Variants in G3BP1 observed in about 807,000 individuals in gnomAD.
G3BP1 encodes ras GTPase-activating protein-binding protein 1.
G3BP1 carries 35 observed loss-of-function variants against 58.6 expected under a neutral mutation model. The observed-to-expected ratio is 0.60, with a 90% confidence interval of 0.46 to 0.79. The LOEUF (loss-of-function observed/expected upper bound fraction) is 0.79. Ranked by LOEUF, G3BP1 falls within the 30% of genes least tolerant of loss-of-function variation. The probability of loss-of-function intolerance (pLI) is 0.00; values close to 1 mark genes in which losing one functional copy is unlikely to be tolerated. For synonymous variants in G3BP1, 191 were observed against 195.4 expected (o/e 0.98, Z 0.19); for missense variants, 523 against 580.8 (o/e 0.90, Z 1.02).
chr5:151,812,456 C>T lies in G3BP1; in HGVS notation c.*8365C>T, dbSNP rs973394591. ...GGGATTTGCTCTTCTGCCTAAACAT[C>T]GAACTAGGGAACTTTAAAGACAAAG... On this transcript the variant is annotated 3_prime_UTR_variant, in exon 12 of 12. Coordinates refer to ENST00000356245, the MANE Select transcript of G3BP1 (RefSeq NM_005754.3). 2 of 152,172 alleles carry T rather than the reference C, an allele frequency of 1.3e-5. No individual in the cohort carries two copies. Among genetic ancestry groups the T allele is most frequent in the Admixed American group, 6.5e-5 (1 of 15,274 alleles). The allele number at this position is 152,172 out of a possible 1,614,324, so 9.4% of individuals were successfully genotyped here.
Position 151,800,268 on chromosome 5 carries a change from C to A in G3BP1, c.1006C>A (p.His336Asn). ...GDIEPRRMVR[H>N]PDSHQLFIGN... ...CATTGAACCCCGAAGAATGGTGAGA[C>A]ACCCTGACAGTCACCAACTCTTCAT... Residue 336 changes from histidine to asparagine, a missense_variant, in exon 10 of 12, where the codon CAC (histidine) becomes AAC (asparagine). By Grantham distance (68) the His-to-Asn change is moderately conservative (BLOSUM62 1). Coordinates refer to ENST00000356245, the MANE Select transcript of G3BP1 (RefSeq NM_005754.3). 1 of 1,611,730 alleles carries A rather than the reference C, an allele frequency of 6.2e-7. No homozygotes were observed. Among genetic ancestry groups the A allele is most frequent in the Non-Finnish European group, 8.5e-7 (1 of 1,178,204 alleles).
chr5:151,807,858 A>G lies in G3BP1; in HGVS notation c.*3767A>G, dbSNP rs1456634035. The stretch of plus-strand genomic sequence containing the variant: ...TTATGCTGAGTGACATTTCTTTTAA[A>G]TGGTTGCATTTGTCAAATCTATAAA... On this transcript the variant is annotated 3_prime_UTR_variant, in exon 12 of 12. Transcript: ENST00000356245. 6.6e-6 allele frequency: 1 copy of G among 152,206 alleles called. No homozygotes were observed. Among genetic ancestry groups the G allele is most frequent in the Admixed American group, 6.5e-5 (1 of 15,278 alleles). The allele number at this position is 152,206 out of a possible 1,614,324, so 9.4% of individuals were successfully genotyped here.
chr5:151,790,396 G>T lies in G3BP1; in HGVS notation c.169G>T (p.Gly57Ter). ...TGGAAAGCCAGCAGATGCAGTCTACGGACAGAAAGTAAGCATTTCAAGCCT... is the reference window on the plus strand; with the variant it reads ...TGGAAAGCCAGCAGATGCAGTCTACTGACAGAAAGTAAGCATTTCAAGCCT... Reference protein sequence around the residue: ...SNGKPADAVYGQKEIHRKVMS... With the variant: ...SNGKPADAVY The change falls in exon 3 of 12, where the codon GGA (glycine) becomes TGA (stop). Residue 57 changes from glycine (G) to a stop codon, truncating the protein, a stop_gained. Transcript: ENST00000356245. LOFTEE classifies it high-confidence loss of function. 1 of 1,568,102 alleles carries T rather than the reference G, an allele frequency of 6.4e-7. No individual in the cohort carries two copies. The highest frequency in any genetic ancestry group is 8.7e-7 in the Non-Finnish European group (1 of 1,152,514).
intron 2 of G3BP1, among the ~76,000 whole-genome samples, chr5:151,788,570 ATATGTGTGTGTGTGTGTG>A (rs1468071295): frequency 4.3e-5 from 4 of 93,188 alleles, no homozygotes; most frequent in Middle Eastern, 0.012. Context: ...AGCTAAGTTT[ATATGTGTGTGTGTGTGTG>A]TGTGTGTGTG....
chr5:151,786,808 A>C, intron 2 of G3BP1, 93 bp downstream of exon 2: 1 of 811,854 alleles, frequency 1.2e-6, no homozygotes, highest in Non-Finnish European at 2.1e-6. Flanking sequence ...TATGCTTTGT[A>C]GGGTTGTTGC....
chr5:151,783,251 G>T (rs1337191757), intron 1 of G3BP1, among the ~76,000 whole-genome samples: 1 of 152,068 alleles, frequency 6.6e-6, no homozygotes, highest in Non-Finnish European at 1.5e-5. Flanking sequence ...GAGGTATTAT[G>T]TTCACATTTC....
Position 151,809,796 on chromosome 5 carries a change from T to A in G3BP1, c.*5705T>A, listed in dbSNP as rs527545132. The A allele has an allele frequency of 6.6e-6, 1 of 152,334 alleles. No individual in the cohort carries two copies. Among genetic ancestry groups the A allele is most frequent in the Admixed American group, 6.5e-5 (1 of 15,308 alleles). 9.4% of individuals were successfully genotyped at this position (152,334 alleles called of 1,614,324 possible). Reference sequence around the variant, plus strand: ...AAAAGGGAAGGTATCACTTTTTGTATGTTCACCCAGTTGCTTCTGTAGTTT... The same window carrying A: ...AAAAGGGAAGGTATCACTTTTTGTAAGTTCACCCAGTTGCTTCTGTAGTTT... On this transcript the variant is annotated 3_prime_UTR_variant, in exon 12 of 12. Transcript: ENST00000356245.
intron 6 of G3BP1, among the ~76,000 whole-genome samples, chr5:151,796,000 T>G (rs1318444866): frequency 6.6e-6 from 1 of 152,200 alleles, no homozygotes; most frequent in Non-Finnish European, 1.5e-5. Context: ...TTTCATTACG[T>G]TAGTAAGTGC....
chr5:151,774,518 T>C (rs78691488), intron 1 of G3BP1, among the ~76,000 whole-genome samples: 1 of 151,848 alleles, frequency 6.6e-6, no homozygotes, highest in Non-Finnish European at 1.5e-5. Context: ...CAATTTTATA[T>C]TTTTTTTCTT....
At chr5:151,794,135 TAA>T (rs956300736) in intron 4 of G3BP1, 22 bp from the exon 5 acceptor site, 1 of 1,430,374 alleles carries the variant, frequency 7.0e-7, no homozygotes, top group African/African-American at 1.4e-5. Context: ...TTGAATAAAT[TAA>T]AACTTTCTGT....
intron 1 of G3BP1, among the ~76,000 whole-genome samples, chr5:151,783,230 T>G (rs1030900150): frequency 2.0e-5 from 3 of 152,174 alleles, no homozygotes; most frequent in Non-Finnish European, 2.9e-5. Flanking sequence ...AGAGTGAGAA[T>G]TCTTTCTCAA....
rs540983294 is a variant in G3BP1, at chr5:151,806,789, G to A, written c.*2698G>A. 4 of 152,108 alleles carry A rather than the reference G, an allele frequency of 2.6e-5. No homozygotes were observed. In the East Asian group the frequency reaches 7.7e-4, roughly 29 times the overall value. The allele number at this position is 152,108 out of a possible 1,614,324, so 9.4% of individuals were successfully genotyped here. On this transcript the variant is annotated 3_prime_UTR_variant, in exon 12 of 12. Transcript: ENST00000356245. ...TGAGCTTAGAACTCTTGACCCATGA[G>A]ATTTTTTTTTTAAATTTTTATTTTT...
rs1239839037 is a variant in G3BP1, at chr5:151,805,824, G to A, written c.*1733G>A. On this transcript the variant is annotated 3_prime_UTR_variant, in exon 12 of 12. Transcript: ENST00000356245. ...GTAGCTTATATTAAGCATGTGGTGG[G>A]TGGAAAGAAAAGTTTAGTCTGAGTC... 2 of 152,174 alleles carry A rather than the reference G, an allele frequency of 1.3e-5. No individual in the cohort carries two copies. The highest frequency in any genetic ancestry group is 4.8e-5 in the African/African-American group (2 of 41,416). The allele number at this position is 152,174 out of a possible 1,614,324, so 9.4% of individuals were successfully genotyped here.
intron 2 of G3BP1, 37 bp from the exon 3 acceptor site, chr5:151,790,286 T>C: frequency 8.9e-7 from 1 of 1,129,582 alleles, no homozygotes; most frequent in Non-Finnish European, 1.3e-6. Flanking sequence ...CTTAAGATAC[T>C]TGAAGATGAC....
chr5:151,804,402 A>C lies in G3BP1; in HGVS notation c.*311A>C, dbSNP rs1421621156. ...CAGACTGGATTTTTTTTTTTTTTTT[A>C]CAGCCATTTCCCCAAAGGAATGTCT... On this transcript the variant is annotated 3_prime_UTR_variant, in exon 12 of 12. Transcript: ENST00000356245. 2 of 221,148 alleles carry C rather than the reference A, an allele frequency of 9.0e-6. No homozygotes were observed. The highest frequency in any genetic ancestry group is 4.9e-5 in the African/African-American group (2 of 40,502). The allele number at this position is 221,148 out of a possible 1,614,324, so 13.7% of individuals were successfully genotyped here.
chr5:151,797,484 TTTCTG>T (rs1286280169), intron 7 of G3BP1, 56 bp downstream of exon 7: 10 of 1,524,054 alleles, frequency 6.6e-6, no homozygotes, highest in Non-Finnish European at 8.9e-6. Context: ...TTAAAAAAAG[TTTCTG>T]TTCTTTTGTA....
intron 1 of G3BP1, among the ~76,000 whole-genome samples, chr5:151,776,563 A>C (rs1004580079): frequency 6.6e-6 from 1 of 152,026 alleles, no homozygotes; most frequent in Non-Finnish European, 1.5e-5. Context: ...CGGGGTTCTA[A>C]TGGTGATTTT....
intron 3 of G3BP1, 97 bp downstream of exon 3, chr5:151,790,501 C>G: frequency 1.7e-6 from 1 of 579,752 alleles, no homozygotes; most frequent in South Asian, 2.9e-5. Context: ...GATAAAGATC[C>G]AGTTTCTCAA....
In G3BP1 at chr5:151,804,201, T is replaced by G; in HGVS notation, c.*110T>G. On this transcript the variant is annotated 3_prime_UTR_variant, in exon 12 of 12. Coordinates refer to ENST00000356245, the MANE Select transcript of G3BP1 (RefSeq NM_005754.3). ...TGACCCCAGTCTGTTATAAACTGCT[T>G]AAGTTTGTATAATTTTACTTTTTTT... 1 of 676,650 alleles carries G rather than the reference T, an allele frequency of 1.5e-6. No homozygotes were observed. The highest frequency in any genetic ancestry group is 2.4e-6 in the Non-Finnish European group (1 of 411,750). 41.9% of individuals were successfully genotyped at this position (676,650 alleles called of 1,614,324 possible). A position where few individuals can be genotyped will look rare whatever the true frequency, so the allele number is the denominator to read the frequency against.
Sources: allele counts gnomAD v4.1 joint callset (sites outside exome capture counted in the v4.1 genomes callset), GRCh38; gene constraint gnomAD v4.1.1; transcripts MANE v1.5; gene names NCBI Gene and HGNC (gene_info 2026-07-23, HGNC 2026-07-21).